The following SHLD2 variants were observed in gnomAD, a reference collection of about 807,000 sequenced individuals.
SHLD2 encodes RINN1-REV7-interacting novel NHEJ regulator 2.
A neutral mutation model predicts 73.2 loss-of-function variants in SHLD2; 30 were observed. The observed-to-expected ratio is 0.41, with a 90% CI of 0.31 to 0.56. SHLD2 has a LOEUF of 0.56. SHLD2 is among the 20% of genes least tolerant of loss of function. SHLD2 has a pLI of 0.28. For missense variants in SHLD2, 745 were observed against 1,055.9 expected (o/e 0.71, Z 4.08); for synonymous variants, 285 against 370.1 (o/e 0.77, Z 2.64).
intron 2 of SHLD2, among the ~76,000 whole-genome samples, chr10:87,112,057 GA>G (rs1437714780): frequency 6.6e-6 from 1 of 151,602 alleles, no homozygotes; most frequent in African/African-American, 2.4e-5. Context: ...CTAACATGGT[GA>G]AACCCCGTCT....
intron 2 of SHLD2, among the ~76,000 whole-genome samples, chr10:87,101,499 C>T (rs144637169): frequency 7.1e-4 from 108 of 152,334 alleles, no homozygotes; most frequent in Non-Finnish European, 1.0e-3. Flanking sequence ...GGGCTTAAGA[C>T]ATCCTCCTGC....
intron 2 of SHLD2, among the ~76,000 whole-genome samples, chr10:87,104,318 C>A (rs868190125): frequency 2.1e-5 from 3 of 140,806 alleles, no homozygotes; most frequent in Admixed American, 7.2e-5. Context: ...GAGGCCGAGG[C>A]GGGTGGATCA....
chr10:87,176,871 A>G (rs1408542385), intron 7 of SHLD2, among the ~76,000 whole-genome samples: 2 of 152,262 alleles, frequency 1.3e-5, no homozygotes, highest in Non-Finnish European at 2.9e-5. Flanking sequence ...CCTTATTCCT[A>G]GTTCTACACT....
At chr10:87,184,265 A>G (rs1848480099) in intron 8 of SHLD2, among the ~76,000 whole-genome samples, 1 of 152,078 alleles carries the variant, frequency 6.6e-6, no homozygotes, top group Non-Finnish European at 1.5e-5. Flanking sequence ...TCACAAATTC[A>G]TCCACTTTTT....
intron 1 of SHLD2, among the ~76,000 whole-genome samples, chr10:87,095,754 G>T (rs1427785270): frequency 6.6e-6 from 1 of 152,214 alleles, no homozygotes; most frequent in Non-Finnish European, 1.5e-5. Flanking sequence ...CCACAGTACT[G>T]ACTGCTTCAC....
intron 2 of SHLD2, among the ~76,000 whole-genome samples, chr10:87,150,096 G>A (rs953769130): frequency 5.5e-5 from 7 of 128,390 alleles, no homozygotes; most frequent in African/African-American, 1.5e-4. Context: ...ATGGAGTCTC[G>A]CTTTGTCGCC....
chr10:87,181,150 G>A (rs1259425552), intron 8 of SHLD2, among the ~76,000 whole-genome samples: 2 of 151,510 alleles, frequency 1.3e-5, no homozygotes, highest in African/African-American at 2.4e-5. Context: ...GGAGGCCGGG[G>A]TGGGGGGATC....
At chr10:87,173,755 A>G (rs1263285527) in intron 6 of SHLD2, among the ~76,000 whole-genome samples, 2 of 152,018 alleles carry the variant, frequency 1.3e-5, no homozygotes, top group Non-Finnish European at 2.9e-5. Flanking sequence ...AAAAAAACAG[A>G]AAAAAAATTA....
intron 4 of SHLD2, among the ~76,000 whole-genome samples, chr10:87,165,483 T>C (rs1014367258): frequency 3.9e-5 from 6 of 152,222 alleles, no homozygotes; most frequent in African/African-American, 1.2e-4. Flanking sequence ...TATTATCCAT[T>C]GAGAAGGATC....
Position 87,185,003 on chromosome 10 carries a change from A to G in SHLD2, c.2400-2082A>G, listed in dbSNP as rs114452851. 5.5e-3 allele frequency among the ~76,000 whole-genome samples: 838 copies of G among 152,310 alleles called. 9 individuals carry two copies. The highest frequency in any genetic ancestry group is 0.019 in the African/African-American group (784 of 41,560). ...AGTATATTCCCAGGGCTGTGTAGCT[A>G]TCACCACAACCAGTTAGGACATTTT... On this transcript the variant is annotated intron_variant, in intron 8 of 9. Transcript: ENST00000298786.
chr10:87,111,817 A>G (rs933557738), intron 2 of SHLD2, among the ~76,000 whole-genome samples: 14 of 152,038 alleles, frequency 9.2e-5, no homozygotes, highest in African/African-American at 3.4e-4. Context: ...CATCATTAAG[A>G]AAGTGAAAAG....
chr10:87,179,644 G>T (rs994657726), intron 7 of SHLD2, among the ~76,000 whole-genome samples: 2 of 152,140 alleles, frequency 1.3e-5, no homozygotes, highest in African/African-American at 2.4e-5. Context: ...CTCGTGATCT[G>T]CCCGCGTCGG....
chr10:87,173,019 G>T (rs1412421405), intron 6 of SHLD2, among the ~76,000 whole-genome samples: 1 of 149,718 alleles, frequency 6.7e-6, no homozygotes, highest in East Asian at 1.9e-4. Context: ...AAAGCAGAGA[G>T]AATACTAAGC....
At chr10:87,155,684 G>A (rs1344902485) in intron 3 of SHLD2, among the ~76,000 whole-genome samples, 4 of 151,714 alleles carry the variant, frequency 2.6e-5, no homozygotes, top group African/African-American at 9.7e-5. Context: ...CCTCTCAGGG[G>A]CCTTTTCCTT....
intron 7 of SHLD2, among the ~76,000 whole-genome samples, chr10:87,179,129 C>T (rs7913290): frequency 0.16 from 24,386 of 151,884 alleles, 2,060 homozygotes; most frequent in African/African-American, 0.19. Context: ...CACAGTAAGA[C>T]GAAAGTAAAT....
At chr10:87,140,372 A>T (rs1589533478) in intron 2 of SHLD2, among the ~76,000 whole-genome samples, 1 of 149,942 alleles carries the variant, frequency 6.7e-6, no homozygotes, top group Non-Finnish European at 1.5e-5. Flanking sequence ...GTAAGCCAAG[A>T]TCATGCCACT....
intron 2 of SHLD2, chr10:87,115,372 G>A (rs989637983): frequency 9.9e-5 from 15 of 152,272 alleles, no homozygotes; most frequent in African/African-American, 3.4e-4. Context: ...TAAAACAATG[G>A]GAATGGGTAG....
rs375357078 is a variant in SHLD2 at position 87,170,631 on chromosome 10, T to C, written c.1787T>C (p.Val596Ala). Reference protein sequence around the residue: ...ELEHLQPDVLVHAVLRVVDFT... With the variant: ...ELEHLQPDVLAHAVLRVVDFT... Reference sequence around the variant, plus strand: ...GAGCACCTTCAACCTGATGTATTAGTCCACGCAGTACTAAGAGTTGTTGAT... The same window carrying C: ...GAGCACCTTCAACCTGATGTATTAGCCCACGCAGTACTAAGAGTTGTTGAT... Residue 596 changes from valine to alanine, a missense_variant, in exon 5 of 10, where the codon GTC (valine) becomes GCC (alanine). By Grantham distance (64) the Val-to-Ala change is moderately conservative. Coordinates refer to ENST00000298786, the MANE Select transcript of SHLD2 (RefSeq NM_001330112.2). 140 of 1,612,602 alleles carry C rather than the reference T, an allele frequency of 8.7e-5. No homozygotes were observed. Among genetic ancestry groups the C allele is most frequent in the Admixed American group, 2.0e-4 (12 of 59,742 alleles).
At chr10:87,165,080 G>T (rs1166594956) in intron 4 of SHLD2, among the ~76,000 whole-genome samples, 1 of 151,978 alleles carries the variant, frequency 6.6e-6, no homozygotes, top group Admixed American at 6.6e-5. Flanking sequence ...CCAGCTATTC[G>T]GGAGGCTGAG....
Sources: gnomAD v4.1 joint callset for allele counts (sites outside exome capture counted in the v4.1 genomes callset) on GRCh38, gnomAD v4.1.1 for gene constraint, MANE v1.5 for transcripts, NCBI Gene and HGNC (gene_info 2026-07-23, HGNC 2026-07-21) for gene names.